Variants in COL1A2 observed in about 807,000 individuals in gnomAD.
COL1A2 encodes collagen alpha-2(I) chain.
COL1A2 carries 49 observed loss-of-function variants against 174.3 expected under a neutral mutation model. The ratio of observed to expected loss-of-function variants is 0.28; its 90% CI spans 0.22 to 0.36. The LOEUF (loss-of-function observed/expected upper bound fraction) is 0.36. Ranked by LOEUF, COL1A2 falls within the 10% of genes least tolerant of loss-of-function variation. COL1A2 has a pLI of 1.00. For synonymous variants in COL1A2, 655 were observed against 606.6 expected, an observed-to-expected ratio of 1.08 and a Z score of -1.17; for missense variants, 1,438 against 1,822.7, an observed-to-expected ratio of 0.79 and a Z score of 3.84.
chr7:94,423,946 T>C (rs191417293), intron 40 of COL1A2: 6 of 252,808 alleles, frequency 2.4e-5, no homozygotes, highest in Admixed American at 1.0e-4. Flanking sequence ...CTGGATCTTA[T>C]GGTAGTTCTA....
At chr7:94,412,042 T>A (rs759356271) in intron 23 of COL1A2, 26 bp from the exon 24 acceptor site, 14 of 1,599,294 alleles carry the variant, frequency 8.8e-6, no homozygotes, top group Non-Finnish European at 8.6e-6. Flanking sequence ...AGTGCCAATA[T>A]AAAAACATCC....
chr7:94,400,284 G>A lies in COL1A2; in HGVS notation c.221G>A (p.Gly74Asp). The A allele has an allele frequency of 1.2e-6, 2 of 1,613,712 alleles. No individual in the cohort carries two copies. The highest frequency in any genetic ancestry group is 1.7e-6 in the Non-Finnish European group (2 of 1,179,856). Residue 74 changes from glycine (G) to aspartate (D), a missense_variant, in exon 5 of 52, where the codon GGT becomes GAT. Coordinates refer to ENST00000297268, the MANE Select transcript of COL1A2 (RefSeq NM_000089.4). Reference protein sequence around the residue: ...PPGPPGPPGLGGNFAAQYDGK... With the variant: ...PPGPPGPPGLDGNFAAQYDGK... The stretch of plus-strand genomic sequence containing the variant: ...GGTCCTCCTGGCCCCCCTGGTCTCG[G>A]TGGGGTAAGGTGTCTTACGTATTGC...
intron 29 of COL1A2, 97 bp from the exon 30 acceptor site, chr7:94,415,128 GT>G: frequency 9.1e-7 from 1 of 1,103,902 alleles, no homozygotes; most frequent in South Asian, 1.2e-5. Flanking sequence ...ATACTGCCAG[GT>G]TTATTTCACT....
At chr7:94,408,552 C>A (rs529054469) in intron 15 of COL1A2, among the ~76,000 whole-genome samples, 172 bp downstream of exon 15, 1 of 152,274 alleles carries the variant, frequency 6.6e-6, no homozygotes, top group African/African-American at 2.4e-5. Context: ...AGTACCTGAA[C>A]TTTTGATTGA....
At position 94,404,488 on chromosome 7, in the gene COL1A2, A is replaced by G. The variant is rs406226; in HGVS notation, c.280-68A>G. On this transcript the variant is annotated intron_variant, in intron 6 of 51. Coordinates refer to ENST00000297268, the MANE Select transcript of COL1A2 (RefSeq NM_000089.4). ...ACAATGGCACTGCTAAGTTGGTCAT[A>G]TCTGACCCCAGCCAACACCATGACA... 0.19 allele frequency: 293,721 copies of G among 1,557,980 alleles called. 29,285 individuals carry two copies. Among genetic ancestry groups the G allele is most frequent in the Admixed American group, 0.34 (20,130 of 59,816 alleles).
chr7:94,404,258 C>T (rs1361527781), intron 6 of COL1A2, among the ~76,000 whole-genome samples: 1 of 152,214 alleles, frequency 6.6e-6, no homozygotes, highest in Non-Finnish European at 1.5e-5. Context: ...TCTGCAAAGA[C>T]TGATTCACTT....
In COL1A2 at chr7:94,413,896, T is replaced by C; in HGVS notation, c.1614T>C (p.Gly538=). Residue 538 remains glycine, a splice_region_variant and synonymous_variant, in exon 28 of 52, where the codon GGT becomes GGC. Coordinates refer to ENST00000297268, the MANE Select transcript of COL1A2 (RefSeq NM_000089.4). ...GCTCTCTTTCCTGTCACTTTCAGGG[T>C]GTTCAAGGTGGAAAAGGTGAACAGG... ...NGAQGPPGPQ[G]VQGGKGEQGP... 6.2e-7 allele frequency: 1 copy of C among 1,614,102 alleles called. No individual in the cohort carries two copies. Among genetic ancestry groups the C allele is most frequent in the Non-Finnish European group, 8.5e-7 (1 of 1,179,948 alleles).
chr7:94,430,588 C>G lies in COL1A2; in HGVS notation c.*195C>G, dbSNP rs190115417. The stretch of plus-strand genomic sequence containing the variant: ...ATACAGTTTCATTAACTCCTTCCCC[C>G]GCTCCCCCAAAAATTTGAATTTTTT... On this transcript the variant is annotated 3_prime_UTR_variant, in exon 52 of 52. Coordinates refer to ENST00000297268, the MANE Select transcript of COL1A2 (RefSeq NM_000089.4). 1.0e-5 allele frequency: 6 copies of G among 599,196 alleles called. No individual in the cohort carries two copies. The East Asian group carries it at 1.7e-4, about 17-fold the overall frequency. 37.1% of individuals were successfully genotyped at this position (599,196 alleles called of 1,614,324 possible). A position where few individuals can be genotyped will look rare whatever the true frequency, so the allele number is the denominator to read the frequency against.
At position 94,409,823 on chromosome 7, in the gene COL1A2, T is replaced by C. The variant is rs780637014; in HGVS notation, c.1035+2T>C. 3 of 1,613,896 alleles carry C rather than the reference T, an allele frequency of 1.9e-6. No homozygotes were observed. Among genetic ancestry groups the C allele is most frequent in the African/African-American group, 1.3e-5 (1 of 74,920 alleles). On this transcript the variant is annotated splice_donor_variant, in intron 19 of 51. Transcript: ENST00000297268. LOFTEE classifies it high-confidence loss of function. ...GCTACTGGTGCCAGAGGACTTGTTG[T>C]AAGTGGTCATGACTGTGGTTCTCAT...
intron 2 of COL1A2, among the ~76,000 whole-genome samples, chr7:94,398,095 A>T (rs1026506108): frequency 6.6e-6 from 1 of 152,136 alleles, no homozygotes; most frequent in Non-Finnish European, 1.5e-5. Context: ...CTTTGGAATT[A>T]TTTGCAAAAG....
chr7:94,419,607 T>C, intron 34 of COL1A2, 56 bp downstream of exon 34: 1 of 1,594,168 alleles, frequency 6.3e-7, no homozygotes, highest in Non-Finnish European at 8.6e-7. Flanking sequence ...CCGCCTTCCC[T>C]AGTCCCAAAG....
intron 30 of COL1A2, among the ~76,000 whole-genome samples, chr7:94,416,056 T>A (rs1207331029): frequency 6.6e-6 from 1 of 152,182 alleles, no homozygotes; most frequent in Non-Finnish European, 1.5e-5. Context: ...AATGACACAA[T>A]CTTTTCTTTG....
At chr7:94,400,379 T>A in intron 5 of COL1A2, 91 bp downstream of exon 5, 1 of 1,114,312 alleles carries the variant, frequency 9.0e-7, no homozygotes, top group Non-Finnish European at 1.3e-6. Flanking sequence ...AAGGGATAAT[T>A]CTTCCATTTG....
At chr7:94,417,441 C>T (rs1011851138) in intron 31 of COL1A2, 10 of 455,074 alleles carry the variant, frequency 2.2e-5, no homozygotes, top group South Asian at 1.0e-4. Context: ...TTCCCATTGT[C>T]CTATCCTCTT....
intron 32 of COL1A2, 38 bp downstream of exon 32, chr7:94,417,869 C>G: frequency 6.6e-7 from 1 of 1,513,420 alleles, no homozygotes. Flanking sequence ...TTGATGAACT[C>G]TAGTAAAGAA....
rs1024288536 is a variant in COL1A2, at chr7:94,421,930, G to A, written c.2381G>A (p.Arg794Gln). ...GMTGFPGAAG[R>Q]TGPPGPSGIS... ...ACTGGTTTCCCTGGTGCTGCTGGAC[G>A]GACTGGTCCCCCAGGACCCTCTGTA... The change falls in exon 39 of 52, where the codon CGG (arginine) becomes CAG (glutamine). Residue 794 changes from arginine to glutamine, a missense_variant. Coordinates refer to ENST00000297268, the MANE Select transcript of COL1A2 (RefSeq NM_000089.4). 5.6e-6 allele frequency: 9 copies of A among 1,614,034 alleles called. No individual in the cohort carries two copies. The East Asian group carries it at 8.9e-5, about 16-fold the overall frequency.
intron 50 of COL1A2, 58 bp from the exon 51 acceptor site, chr7:94,429,130 G>A: frequency 3.5e-6 from 2 of 575,776 alleles, no homozygotes; most frequent in Non-Finnish European, 2.6e-6. Context: ...TTTCATGTTT[G>A]ACTCTTAGTA....
In COL1A2 at chr7:94,427,639, C is replaced by T. The variant is rs781292351; in HGVS notation, c.3280C>T (p.Pro1094Ser). The T allele has an allele frequency of 6.2e-7, 1 of 1,614,108 alleles. No individual in the cohort carries two copies. The part of the protein sequence containing the change: ...GHQGPAGPPG[P>S]PGPPGPPGVS... ...TTCACCTTTGCAGGGCCCCCCTGGT[C>T]CCCCTGGCCCTCCTGGACCTCCAGG... Residue 1094 changes from proline (P) to serine (S), a missense_variant, in exon 49 of 52, where the codon CCC becomes TCC. Physicochemically the swap from Pro to Ser is moderately conservative, Grantham distance 74. Transcript: ENST00000297268.
At chr7:94,414,041 A>G (rs1467630383) in intron 28 of COL1A2, 94 bp downstream of exon 28, 13 of 1,382,212 alleles carry the variant, frequency 9.4e-6, no homozygotes, top group East Asian at 4.6e-5. Context: ...CACAATAAAC[A>G]TGATTTCAGG....
Sources: gnomAD v4.1 joint callset for allele counts (sites outside exome capture counted in the v4.1 genomes callset) on GRCh38, gnomAD v4.1.1 for gene constraint, MANE v1.5 for transcripts, NCBI Gene and HGNC (gene_info 2026-07-23, HGNC 2026-07-21) for gene names.